The following DROSHA variants were observed in gnomAD, a reference collection of about 807,000 sequenced individuals.
DROSHA encodes drosha ribonuclease III.
DROSHA carries 56 observed loss-of-function variants against 181.9 expected under a neutral mutation model. The ratio of observed to expected loss-of-function variants is 0.31; its 90% CI spans 0.25 to 0.38. DROSHA has a LOEUF of 0.38. DROSHA is among the 10% of genes least tolerant of loss of function. DROSHA has a pLI of 1.00. For synonymous variants in DROSHA, 524 were observed against 591.2 expected (o/e 0.89, Z 1.65); for missense variants, 1,218 against 1,743.5 (o/e 0.70, Z 5.37).
At chr5:31,456,418 T>C (rs953058844) in intron 20 of DROSHA, among the ~76,000 whole-genome samples, 3 of 150,978 alleles carry the variant, frequency 2.0e-5, no homozygotes, top group Non-Finnish European at 4.4e-5. Context: ...GAGAGGATTA[T>C]GGGAAGAAGC....
chr5:31,481,039 T>C (rs1472681116), intron 16 of DROSHA, among the ~76,000 whole-genome samples: 1 of 125,862 alleles, frequency 7.9e-6, no homozygotes, highest in East Asian at 2.0e-4. Flanking sequence ...TACTAGTAGA[T>C]GACAACTACG....
At chr5:31,473,426 A>G (rs1440077709) in intron 16 of DROSHA, among the ~76,000 whole-genome samples, 1 of 152,228 alleles carries the variant, frequency 6.6e-6, no homozygotes, top group African/African-American at 2.4e-5. Flanking sequence ...CAGCCAATAT[A>G]TATGTAGGCA....
chr5:31,528,552 T>TA (rs1740862126), intron 4 of DROSHA, among the ~76,000 whole-genome samples: 1 of 152,154 alleles, frequency 6.6e-6, no homozygotes, highest in Non-Finnish European at 1.5e-5. Flanking sequence ...TATCCCTTAA[T>TA]AAAAAATAAA....
chr5:31,454,079 T>G (rs1747354256), intron 20 of DROSHA, among the ~76,000 whole-genome samples: 1 of 152,194 alleles, frequency 6.6e-6, no homozygotes, highest in African/African-American at 2.4e-5. Context: ...GAAAGAGCTA[T>G]GTCTCAGCAT....
chr5:31,473,002 C>CTTAA (rs1173111929), intron 16 of DROSHA, among the ~76,000 whole-genome samples: 1 of 152,230 alleles, frequency 6.6e-6, no homozygotes, highest in Admixed American at 6.5e-5. Flanking sequence ...TCTCTTTGGA[C>CTTAA]TTAACTTCTG....
chr5:31,463,702 G>A (rs977319245), intron 20 of DROSHA, among the ~76,000 whole-genome samples: 1 of 152,110 alleles, frequency 6.6e-6, no homozygotes, highest in Non-Finnish European at 1.5e-5. Context: ...GTTACATATA[G>A]CAGAAATGTT....
chr5:31,452,684 AGTTAT>A (rs1658407878), intron 20 of DROSHA, among the ~76,000 whole-genome samples: 1 of 152,322 alleles, frequency 6.6e-6, no homozygotes, highest in African/African-American at 2.4e-5. Context: ...TATAGAAATT[AGTTAT>A]GTTATTAACT....
At chr5:31,511,248 C>A in intron 8 of DROSHA, 72 bp from the exon 9 acceptor site, 1 of 1,419,652 alleles carries the variant, frequency 7.0e-7, no homozygotes, top group South Asian at 1.4e-5. Context: ...TAAGATCTCA[C>A]AGGTAATCAA....
intron 7 of DROSHA, 66 bp downstream of exon 7, chr5:31,515,388 C>G: frequency 9.8e-7 from 1 of 1,024,650 alleles, no homozygotes; most frequent in African/African-American, 1.6e-5. Context: ...CTGGTGGCAT[C>G]AGAATCACCT....
chr5:31,469,308 G>A (rs1048308320), intron 17 of DROSHA, among the ~76,000 whole-genome samples: 2 of 152,114 alleles, frequency 1.3e-5, no homozygotes, highest in African/African-American at 4.8e-5. Flanking sequence ...AGTGAGCTGA[G>A]ATCGCACCAC....
At chr5:31,457,144 T>A (rs1747771040) in intron 20 of DROSHA, among the ~76,000 whole-genome samples, 2 of 146,608 alleles carry the variant, frequency 1.4e-5, no homozygotes, top group African/African-American at 2.6e-5. Context: ...TTTTTTTTTT[T>A]ATGGAGTCTT....
chr5:31,511,921 T>A (rs199609335), intron 8 of DROSHA, among the ~76,000 whole-genome samples: 58 of 131,646 alleles, frequency 4.4e-4, no homozygotes, highest in African/African-American at 1.1e-3. Context: ...TCTCTCTCTC[T>A]CACACACACG....
chr5:31,496,771 C>T (rs746789575), intron 11 of DROSHA, among the ~76,000 whole-genome samples: 5 of 152,218 alleles, frequency 3.3e-5, no homozygotes, highest in African/African-American at 4.8e-5. Context: ...GAGATAGCTA[C>T]CGACTGTTAC....
intron 11 of DROSHA, among the ~76,000 whole-genome samples, chr5:31,502,491 G>C (rs1753673964): frequency 6.6e-6 from 1 of 152,170 alleles, no homozygotes; most frequent in South Asian, 2.1e-4. Context: ...TACACATGTG[G>C]CCAGAACCAC....
intron 30 of DROSHA, among the ~76,000 whole-genome samples, chr5:31,419,331 C>T (rs537033360): frequency 3.6e-4 from 55 of 152,326 alleles, no homozygotes; most frequent in Admixed American, 7.8e-4. Flanking sequence ...AAAGCCTTCA[C>T]ATAATTTTAT....
At chr5:31,458,790 C>T (rs149762381) in intron 20 of DROSHA, among the ~76,000 whole-genome samples, 2 of 152,116 alleles carry the variant, frequency 1.3e-5, no homozygotes, top group African/African-American at 4.8e-5. Flanking sequence ...ATTTAAATAG[C>T]CACATGCAAC....
intron 21 of DROSHA, 127 bp downstream of exon 21, chr5:31,451,406 A>G (rs1747024085): frequency 1.3e-6 from 1 of 769,774 alleles, no homozygotes. Context: ...AGAGCAATGG[A>G]GAGAACTATG....
intron 13 of DROSHA, among the ~76,000 whole-genome samples, chr5:31,489,745 C>A (rs1752169141): frequency 6.6e-6 from 1 of 152,180 alleles, no homozygotes; most frequent in Admixed American, 6.5e-5. Flanking sequence ...ACTGATTGAC[C>A]AAATCCAGGA....
chr5:31,406,614 A>C (rs1203873309), intron 34 of DROSHA, among the ~76,000 whole-genome samples: 1 of 152,200 alleles, frequency 6.6e-6, no homozygotes, highest in Non-Finnish European at 1.5e-5. Context: ...TTGCCAGGTA[A>C]TATGGTTTTC....
Sources: allele counts gnomAD v4.1 joint callset (sites outside exome capture counted in the v4.1 genomes callset), GRCh38; gene constraint gnomAD v4.1.1; transcripts MANE v1.5; gene names NCBI Gene and HGNC (gene_info 2026-07-23, HGNC 2026-07-21).